The following TRDMT1 variants were observed in gnomAD, a reference collection of about 807,000 sequenced individuals.
TRDMT1 encodes the protein tRNA (cytosine(38)-C(5))-methyltransferase.
In TRDMT1, 49 loss-of-function variants were observed where a neutral mutation model predicts 51.2. That is an observed-to-expected ratio of 0.96 (90% CI 0.76 to 1.21). The LOEUF (loss-of-function observed/expected upper bound fraction) is 1.21, where lower values mean the gene tolerates loss of function less well. Ranked by LOEUF, TRDMT1 falls within the 50% of genes most tolerant of loss-of-function variation. The pLI is 0.00. For synonymous variants in TRDMT1, 187 were observed against 164.6 expected (o/e 1.14, Z -1.04); for missense variants, 534 against 462.3 (o/e 1.16, Z -1.42).
chr10:17,181,635 C>G (rs1310877124), intron 1 of TRDMT1, among the ~76,000 whole-genome samples: 1 of 151,982 alleles, frequency 6.6e-6, no homozygotes, highest in African/African-American at 2.4e-5. Flanking sequence ...ATATGATTAT[C>G]TATCTCAATG....
intron 1 of TRDMT1, among the ~76,000 whole-genome samples, chr10:17,181,857 T>C (rs1265151640): frequency 3.3e-5 from 5 of 152,234 alleles, no homozygotes; most frequent in Non-Finnish European, 5.9e-5. Flanking sequence ...ACATTTGTTT[T>C]CTGTTTTACC....
chr10:17,137,753 G>A lies in TRDMT1; in HGVS notation c.*11287C>T, dbSNP rs1224925093. 6.6e-6 allele frequency among the ~76,000 whole-genome samples: 1 copy of A among 151,242 alleles called. No homozygotes were observed. Among genetic ancestry groups the A allele is most frequent in the Admixed American group, 6.6e-5 (1 of 15,178 alleles). ...CGAGGCTGAGGCAGGAGAATCGCTTGAACCCAGGAGGTGGAGGTTGCAGCA... is the reference window on the plus strand; with the variant it reads ...CGAGGCTGAGGCAGGAGAATCGCTTAAACCCAGGAGGTGGAGGTTGCAGCA... On this transcript the variant is annotated 3_prime_UTR_variant, in exon 11 of 11. Coordinates refer to ENST00000377799, the MANE Select transcript of TRDMT1 (RefSeq NM_004412.7).
chr10:17,186,455 A>G (rs1443558534), intron 1 of TRDMT1, among the ~76,000 whole-genome samples: 1 of 152,078 alleles, frequency 6.6e-6, no homozygotes, highest in African/African-American at 2.4e-5. Context: ...GGGATGCTAC[A>G]CTTCTGGCTT....
At chr10:17,201,524 C>T (rs368612744) in intron 1 of TRDMT1, 47 bp downstream of exon 1, 4 of 1,529,964 alleles carry the variant, frequency 2.6e-6, no homozygotes, top group Non-Finnish European at 3.5e-6. Flanking sequence ...GTGCTCCAAC[C>T]AGCCCCCGTG....
intron 10 of TRDMT1, chr10:17,150,511 T>C (rs1300004334): frequency 1.0e-6 from 1 of 985,286 alleles, no homozygotes; most frequent in East Asian, 1.1e-4. Context: ...CTTGCAAATA[T>C]CAGCATAAAA....
At chr10:17,183,254 AGTGTAT>A (rs368027743) in intron 1 of TRDMT1, among the ~76,000 whole-genome samples, 7 of 152,160 alleles carry the variant, frequency 4.6e-5, no homozygotes, top group African/African-American at 1.2e-4. Flanking sequence ...AGTTTTATAA[AGTGTAT>A]GTGTATGTGT....
rs1289149141 is a variant in TRDMT1 at position 17,138,708 on chromosome 10, T to C, written c.*10332A>G. Among the ~76,000 whole-genome samples the C allele has an allele frequency of 6.6e-6, 1 of 152,134 alleles. No homozygotes were observed. Among genetic ancestry groups the C allele is most frequent in the African/African-American group, 2.4e-5 (1 of 41,426 alleles). On this transcript the variant is annotated 3_prime_UTR_variant, in exon 11 of 11. Coordinates refer to ENST00000377799, the MANE Select transcript of TRDMT1 (RefSeq NM_004412.7). The stretch of plus-strand genomic sequence containing the variant: ...AATTGCTGAGGTTTGGCAGAGCTTT[T>C]CCTGAGAAAGCAGATTGTTGAGAGT...
chr10:17,178,116 C>G (rs1001837612), intron 1 of TRDMT1, among the ~76,000 whole-genome samples: 1 of 152,032 alleles, frequency 6.6e-6, no homozygotes, highest in Non-Finnish European at 1.5e-5. Context: ...TATTTATTTT[C>G]TAATCTATAT....
chr10:17,176,458 G>C (rs960786698), intron 1 of TRDMT1, among the ~76,000 whole-genome samples: 9 of 152,104 alleles, frequency 5.9e-5, no homozygotes, highest in Admixed American at 1.3e-4. Context: ...ACTGCCAAAT[G>C]AGTATTTCAT....
chr10:17,162,576 C>T (rs1049656481), intron 3 of TRDMT1, among the ~76,000 whole-genome samples: 1 of 152,084 alleles, frequency 6.6e-6, no homozygotes, highest in Non-Finnish European at 1.5e-5. Context: ...AGCGTGGTGG[C>T]TCACATCTAT....
intron 3 of TRDMT1, among the ~76,000 whole-genome samples, chr10:17,164,162 T>C (rs1486420420): frequency 6.6e-6 from 1 of 152,148 alleles, no homozygotes. Flanking sequence ...TCAAAAAGCT[T>C]ATCCACCATG....
At chr10:17,154,214 T>G (rs762739021) in intron 9 of TRDMT1, among the ~76,000 whole-genome samples, 9 of 152,080 alleles carry the variant, frequency 5.9e-5, no homozygotes, top group Non-Finnish European at 1.0e-4. Context: ...ATATAAAACT[T>G]GCTATATATT....
chr10:17,144,838 T>A lies in TRDMT1; in HGVS notation c.*4202A>T. ...TCTTTTTTTTTTTAAACTGAAGCTT[T>A]AAAATTTCACCAGCAAAGACAAGAA... On this transcript the variant is annotated 3_prime_UTR_variant, in exon 11 of 11. Coordinates refer to ENST00000377799, the MANE Select transcript of TRDMT1 (RefSeq NM_004412.7). The A allele has an allele frequency of 8.1e-6, 8 of 985,092 alleles. No homozygotes were observed. The highest frequency in any genetic ancestry group is 9.6e-6 in the Non-Finnish European group (8 of 829,850). The allele number at this position is 985,092 out of a possible 1,614,324, so 61.0% of individuals were successfully genotyped here.
At chr10:17,183,015 G>C (rs932835814) in intron 1 of TRDMT1, among the ~76,000 whole-genome samples, 7 of 152,114 alleles carry the variant, frequency 4.6e-5, no homozygotes, top group Non-Finnish European at 7.3e-5. Flanking sequence ...CATGTCATTT[G>C]TGGTATAAAT....
chr10:17,179,810 C>G (rs553299181), intron 1 of TRDMT1, among the ~76,000 whole-genome samples: 1 of 149,806 alleles, frequency 6.7e-6, no homozygotes, highest in East Asian at 2.0e-4. Flanking sequence ...TCCCAAGAGA[C>G]TAGCATTGAT....
intron 2 of TRDMT1, among the ~76,000 whole-genome samples, 172 bp from the exon 3 acceptor site, chr10:17,169,089 G>GT (rs1841617098): frequency 6.6e-6 from 1 of 152,202 alleles, no homozygotes; most frequent in Non-Finnish European, 1.5e-5. Context: ...TGTGAAGGAA[G>GT]TGGGGCAGTA....
chr10:17,158,254 TATTTCTACTC>T (rs1241260287), intron 7 of TRDMT1, among the ~76,000 whole-genome samples: 1 of 152,138 alleles, frequency 6.6e-6, no homozygotes, highest in Non-Finnish European at 1.5e-5. Flanking sequence ...TGTGAAAGGT[TATTTCTACTC>T]ATGAGTCCTA....
At chr10:17,187,219 C>G (rs1678797575) in intron 1 of TRDMT1, among the ~76,000 whole-genome samples, 1 of 152,086 alleles carries the variant, frequency 6.6e-6, no homozygotes, top group South Asian at 2.1e-4. Context: ...CAGTGTGTCC[C>G]AATTTTTTAA....
chr10:17,151,393 C>T, intron 10 of TRDMT1: 1 of 983,410 alleles, frequency 1.0e-6, no homozygotes, highest in Non-Finnish European at 1.2e-6. Flanking sequence ...CCGCAGAATA[C>T]ACACCACCAG....
Sources: gnomAD v4.1 joint callset for allele counts (sites outside exome capture counted in the v4.1 genomes callset) on GRCh38, gnomAD v4.1.1 for gene constraint, MANE v1.5 for transcripts, NCBI Gene and HGNC (gene_info 2026-07-23, HGNC 2026-07-21) for gene names.